The following GLI2 variants were observed in gnomAD, a reference collection of about 807,000 sequenced individuals.
The protein encoded by GLI2 is transcription activator GLI2.
In GLI2, 22 loss-of-function variants were observed where a neutral mutation model predicts 78.9. That is an observed-to-expected ratio of 0.28 (90% CI 0.20 to 0.40). The LOEUF (loss-of-function observed/expected upper bound fraction) is 0.40. GLI2 is among the 10% of genes least tolerant of loss of function. The pLI, the probability that GLI2 is intolerant of heterozygous loss-of-function variation, is 1.00. For synonymous variants in GLI2, 974 were observed against 963.7 expected, an observed-to-expected ratio of 1.01 and a Z score of -0.20; for missense variants, 2,097 against 2,213.2, an observed-to-expected ratio of 0.95 and a Z score of 1.05.
intron 1 of GLI2, among the ~76,000 whole-genome samples, chr2:120,784,666 C>T (rs1276884217): frequency 6.6e-6 from 1 of 152,148 alleles, no homozygotes; most frequent in Non-Finnish European, 1.5e-5. Context: ...CTTGCCCTGC[C>T]TCCTGCTCGC....
intron 1 of GLI2, among the ~76,000 whole-genome samples, chr2:120,791,561 T>C (rs1684158915): frequency 6.6e-6 from 1 of 152,242 alleles, no homozygotes; most frequent in African/African-American, 2.4e-5. Flanking sequence ...TTTTATCTCA[T>C]TGGATCTTAA....
At chr2:120,888,038 A>G (rs1400478670) in intron 2 of GLI2, among the ~76,000 whole-genome samples, 1 of 152,178 alleles carries the variant, frequency 6.6e-6, no homozygotes, top group African/African-American at 2.4e-5. Context: ...GTTCAGTTCA[A>G]GTTTGCCAAA....
intron 1 of GLI2, among the ~76,000 whole-genome samples, chr2:120,772,369 TTTTG>T (rs1308624441): frequency 3.3e-5 from 5 of 152,114 alleles, no homozygotes; most frequent in Non-Finnish European, 7.3e-5. Flanking sequence ...TGGTCTTGTG[TTTTG>T]TTTGTTTGTT....
chr2:120,821,253 T>C (rs777499773), intron 2 of GLI2, among the ~76,000 whole-genome samples: 46 of 151,984 alleles, frequency 3.0e-4, no homozygotes, highest in Non-Finnish European at 5.3e-4. Context: ...CTAGGCTTCA[T>C]GGATAGAGTT....
intron 1 of GLI2, among the ~76,000 whole-genome samples, chr2:120,781,454 A>G (rs1384838113): frequency 6.6e-6 from 1 of 152,242 alleles, no homozygotes; most frequent in Non-Finnish European, 1.5e-5. Context: ...CACACAGTCA[A>G]CTTCTGAGAT....
At chr2:120,971,038 C>A (rs563905032) in intron 7 of GLI2, among the ~76,000 whole-genome samples, 8 of 152,366 alleles carry the variant, frequency 5.3e-5, no homozygotes, top group African/African-American at 1.4e-4. Flanking sequence ...TAGTACAGTG[C>A]CTGGCACATC....
At chr2:120,964,050 G>A (rs1681718397) in intron 5 of GLI2, among the ~76,000 whole-genome samples, 1 of 152,296 alleles carries the variant, frequency 6.6e-6, no homozygotes, top group East Asian at 1.9e-4. Context: ...TGGGAAAAAG[G>A]ATTTGGGCTC....
chr2:120,765,376 G>C (rs1266979062), intron 1 of GLI2, among the ~76,000 whole-genome samples: 1 of 152,254 alleles, frequency 6.6e-6, no homozygotes, highest in Non-Finnish European at 1.5e-5. Flanking sequence ...TCATGCCTTT[G>C]CATGAGGCCA....
chr2:120,853,153 G>A (rs1312242069), intron 2 of GLI2, among the ~76,000 whole-genome samples: 24 of 152,206 alleles, frequency 1.6e-4, no homozygotes, highest in Admixed American at 1.6e-3. Flanking sequence ...CTTTCTGCGG[G>A]GGCTGGAGGG....
rs767608623 is a variant in GLI2, at chr2:120,989,795, C to T, written c.3830C>T (p.Thr1277Met). ...QQTEVAPDPT[T>M]MGNRHRELGV... ...ACAGAAGTGGCACCTGACCCCACCA[C>T]GATGGGCAATCGCCACAGGGAACTT... Residue 1277 changes from threonine (T) to methionine (M), a missense_variant, in exon 14 of 14, where the codon ACG becomes ATG. Physicochemically the swap from Thr to Met is moderately conservative, Grantham distance 81 (BLOSUM62 -1). This residue lies in a region of GLI2 where 1,290 missense variants were observed against 1,261.7 expected (regional missense o/e 1.02). Coordinates refer to ENST00000361492, the MANE Select transcript of GLI2 (RefSeq NM_001374353.1). 12 of 1,610,528 alleles carry T rather than the reference C, an allele frequency of 7.5e-6. No individual in the cohort carries two copies. The highest frequency in any genetic ancestry group is 5.5e-5 in the South Asian group (5 of 90,790).
chr2:120,818,949 C>T (rs186619567), intron 2 of GLI2, among the ~76,000 whole-genome samples: 203 of 146,988 alleles, frequency 1.4e-3, no homozygotes, highest in Admixed American at 2.1e-3. Flanking sequence ...CTGATACCCA[C>T]TTCTAGGTTA....
chr2:120,752,294 G>A (rs1051591854), intron 1 of GLI2, among the ~76,000 whole-genome samples: 4 of 140,078 alleles, frequency 2.9e-5, no homozygotes, highest in Admixed American at 1.5e-4. Flanking sequence ...TTTTTGAGAC[G>A]GAGTCTCTGT....
chr2:120,809,126 C>T lies in GLI2; in HGVS notation c.148+11658C>T, dbSNP rs556509652. ...AATGGAAATGACCCAAGCATCCATCCGCTAATGAATGGATGAGCAGAACGT... is the reference window on the plus strand; with the variant it reads ...AATGGAAATGACCCAAGCATCCATCTGCTAATGAATGGATGAGCAGAACGT... On this transcript the variant is annotated intron_variant, in intron 2 of 13. Transcript: ENST00000361492. Among the ~76,000 whole-genome samples the T allele has an allele frequency of 3.4e-3, 521 of 152,256 alleles. 1 individual carries two copies. The highest frequency in any genetic ancestry group is 5.9e-3 in the Non-Finnish European group (398 of 68,024).
chr2:120,782,827 C>T (rs976113657), intron 1 of GLI2, among the ~76,000 whole-genome samples: 37 of 152,168 alleles, frequency 2.4e-4, no homozygotes, highest in Non-Finnish European at 2.2e-4. Flanking sequence ...GCCAAATGTC[C>T]CTTGGTGGCA....
intron 1 of GLI2, among the ~76,000 whole-genome samples, chr2:120,743,242 A>T (rs927932966): frequency 2.6e-5 from 4 of 152,112 alleles, no homozygotes; most frequent in Non-Finnish European, 1.5e-5. Context: ...AATAACTGTA[A>T]CTGCCAGGTA....
chr2:120,987,144 T>G (rs528233312), intron 13 of GLI2, among the ~76,000 whole-genome samples: 1 of 152,354 alleles, frequency 6.6e-6, no homozygotes, highest in African/African-American at 2.4e-5. Flanking sequence ...GAGGCAGCAC[T>G]GTGCTCAGTC....
At chr2:120,909,844 G>A (rs535913454) in intron 2 of GLI2, among the ~76,000 whole-genome samples, 7 of 152,328 alleles carry the variant, frequency 4.6e-5, no homozygotes, top group East Asian at 1.9e-4. Flanking sequence ...CGGCCTGGGC[G>A]ACAGAGTGAG....
At chr2:120,746,132 C>T (rs762200387) in intron 1 of GLI2, among the ~76,000 whole-genome samples, 2 of 152,226 alleles carry the variant, frequency 1.3e-5, no homozygotes, top group Admixed American at 6.5e-5. Context: ...CATCTCTCTC[C>T]GTCTTCAAGG....
intron 2 of GLI2, among the ~76,000 whole-genome samples, chr2:120,871,568 T>C (rs1688433590): frequency 6.6e-6 from 1 of 152,248 alleles, no homozygotes; most frequent in African/African-American, 2.4e-5. Flanking sequence ...AATCATGGGC[T>C]GATCTGTGCT....
Sources: allele counts gnomAD v4.1 joint callset (sites outside exome capture counted in the v4.1 genomes callset), GRCh38; gene constraint gnomAD v4.1.1; regional missense constraint gnomAD v4.1.1; transcripts MANE v1.5; gene names NCBI Gene and HGNC (gene_info 2026-07-23, HGNC 2026-07-21).